Variants in TENM4 observed in about 807,000 individuals in gnomAD.
TENM4 encodes the protein teneurin-4.
TENM4 carries 82 observed loss-of-function variants against 243.3 expected under a neutral mutation model. The observed-to-expected ratio is 0.34, with a 90% CI of 0.28 to 0.40. TENM4 has a LOEUF of 0.40. Among genes scored for constraint, TENM4 ranks in the 10% least tolerant of loss-of-function variants. The pLI is 1.00. For missense variants in TENM4, 3,138 were observed against 3,673.3 expected, an observed-to-expected ratio of 0.85 and a Z score of 3.77; for synonymous variants, 1,412 against 1,456.3, an observed-to-expected ratio of 0.97 and a Z score of 0.69.
chr11:78,712,049 C>T (rs1345210646), intron 26 of TENM4, among the ~76,000 whole-genome samples: 1 of 152,156 alleles, frequency 6.6e-6, no homozygotes, highest in African/African-American at 2.4e-5. Flanking sequence ...AAACACGATA[C>T]ACTAAAATGT....
chr11:78,910,448 C>G (rs7934380), intron 6 of TENM4, among the ~76,000 whole-genome samples: 4,253 of 152,326 alleles, frequency 0.028, 167 homozygotes, highest in African/African-American at 0.084. Flanking sequence ...GCTAATGAAT[C>G]TTGGCCTACA....
chr11:79,142,860 G>T (rs573796668), intron 4 of TENM4, among the ~76,000 whole-genome samples: 1 of 151,834 alleles, frequency 6.6e-6, no homozygotes, highest in Non-Finnish European at 1.5e-5. Flanking sequence ...TACAACAAAG[G>T]TACCAAGAAC....
intron 6 of TENM4, among the ~76,000 whole-genome samples, chr11:78,912,792 G>T (rs1229594211): frequency 6.6e-6 from 1 of 152,210 alleles, no homozygotes; most frequent in Non-Finnish European, 1.5e-5. Context: ...GTAATTCATA[G>T]ACAAATTAAG....
chr11:79,018,415 T>C (rs1313539170), intron 6 of TENM4, among the ~76,000 whole-genome samples: 2 of 152,174 alleles, frequency 1.3e-5, no homozygotes, highest in Admixed American at 6.5e-5. Flanking sequence ...TCCTGGCTCC[T>C]GTCCACTATC....
In TENM4 at chr11:78,676,319, C is replaced by T. The variant is rs1322617772; in HGVS notation, c.5329G>A (p.Glu1777Lys). 2 of 1,611,690 alleles carry T rather than the reference C, an allele frequency of 1.2e-6. No homozygotes were observed. Among genetic ancestry groups the T allele is most frequent in the Admixed American group, 1.7e-5 (1 of 59,990 alleles). ...SLRLLLANGM[E>K]VALQTEPHLL... ...TGGGGCTCAGTCTGCAGCGCCACCT[C>T]CATGCCGTTGGCCAGCAGCAGCCGC... The change falls in exon 30 of 34, where the codon GAG becomes AAG. Residue 1777 changes from glutamate (E) to lysine (K), a missense_variant. Glu to Lys is a moderately conservative substitution (Grantham distance 56, BLOSUM62 1). Coordinates refer to ENST00000278550, the MANE Select transcript of TENM4 (RefSeq NM_001098816.3).
intron 3 of TENM4, among the ~76,000 whole-genome samples, chr11:79,172,642 T>C (rs562293318): frequency 6.6e-6 from 1 of 150,540 alleles, no homozygotes; most frequent in East Asian, 2.0e-4. Context: ...ACAGCAGGAG[T>C]GTTCTAATTC....
chr11:79,298,803 T>C (rs1341259531), intron 1 of TENM4, among the ~76,000 whole-genome samples: 2 of 152,204 alleles, frequency 1.3e-5, no homozygotes, highest in Non-Finnish European at 2.9e-5. Flanking sequence ...ACCCCATTCA[T>C]ATTTTTGCCA....
chr11:79,372,699 G>T (rs535655859), intron 1 of TENM4, among the ~76,000 whole-genome samples: 5 of 152,278 alleles, frequency 3.3e-5, no homozygotes, highest in South Asian at 4.1e-4. Context: ...GGGAGGGGAG[G>T]GGGGAATCTT....
chr11:79,075,380 C>G lies in TENM4; in HGVS notation c.-65-5371G>C, dbSNP rs559815112. 1.6e-4 allele frequency among the ~76,000 whole-genome samples: 25 copies of G among 152,286 alleles called. No homozygotes were observed. In the South Asian group the frequency reaches 5.2e-3, roughly 32 times the overall value. The stretch of plus-strand genomic sequence containing the variant: ...AGGCTAGGAGTAAGGCCTGTCCTGG[C>G]CACCTCCTAGCTGTGTGGCCCTGGG... On this transcript the variant is annotated intron_variant, in intron 4 of 33. Transcript: ENST00000278550.
intron 6 of TENM4, among the ~76,000 whole-genome samples, chr11:78,989,939 T>C (rs546163415): frequency 2.6e-4 from 39 of 151,986 alleles, no homozygotes; most frequent in African/African-American, 8.9e-4. Context: ...TGGCATATAA[T>C]TGTAGTCCCA....
At chr11:78,822,586 G>C (rs76415050) in intron 12 of TENM4, among the ~76,000 whole-genome samples, 4 of 152,148 alleles carry the variant, frequency 2.6e-5, no homozygotes, top group African/African-American at 7.2e-5. Flanking sequence ...GGTGGGTAGA[G>C]GGAGAGTATC....
intron 6 of TENM4, among the ~76,000 whole-genome samples, chr11:79,011,866 A>G (rs979705876): frequency 5.3e-5 from 8 of 152,240 alleles, no homozygotes; most frequent in African/African-American, 1.4e-4. Flanking sequence ...CAAAAATCCA[A>G]TGACTCTGTC....
At chr11:79,400,465 A>G (rs150505338) in intron 1 of TENM4, among the ~76,000 whole-genome samples, 2 of 152,202 alleles carry the variant, frequency 1.3e-5, no homozygotes, top group East Asian at 3.9e-4. Context: ...CACATCCCCA[A>G]ACAAGGCTCT....
At chr11:78,852,046 G>A (rs964608858) in intron 12 of TENM4, among the ~76,000 whole-genome samples, 1 of 152,154 alleles carries the variant, frequency 6.6e-6, no homozygotes, top group Non-Finnish European at 1.5e-5. Flanking sequence ...AGGGGAGTTC[G>A]TTCCCTCATT....
intron 6 of TENM4, among the ~76,000 whole-genome samples, chr11:78,966,843 A>G (rs1857447051): frequency 6.6e-6 from 1 of 152,088 alleles, no homozygotes; most frequent in Non-Finnish European, 1.5e-5. Flanking sequence ...AGACTTGCTG[A>G]GACACGCTGG....
chr11:78,683,996 G>A (rs536050577), intron 29 of TENM4, among the ~76,000 whole-genome samples: 1 of 152,248 alleles, frequency 6.6e-6, no homozygotes, highest in South Asian at 2.1e-4. Flanking sequence ...CTCCCTCCAG[G>A]CTCTGCTAAA....
At chr11:79,157,466 C>G (rs1862646706) in intron 3 of TENM4, among the ~76,000 whole-genome samples, 1 of 152,178 alleles carries the variant, frequency 6.6e-6, no homozygotes. Context: ...TGCCGAGTCC[C>G]TACAGCATGC....
chr11:78,960,402 G>T lies in TENM4; in HGVS notation c.494-56879C>A, dbSNP rs114124124. On this transcript the variant is annotated intron_variant, in intron 6 of 33. Coordinates refer to ENST00000278550, the MANE Select transcript of TENM4 (RefSeq NM_001098816.3). ...CGGGGAGGTCCTAGCTAGAAAAGGA[G>T]GGTAGGTAATGACCGCCCTTCATTG... 5.0e-3 allele frequency among the ~76,000 whole-genome samples: 767 copies of T among 152,268 alleles called. 8 individuals carry two copies. The highest frequency in any genetic ancestry group is 0.018 in the African/African-American group (746 of 41,538).
At chr11:79,307,630 G>GCA (rs1179709967) in intron 1 of TENM4, among the ~76,000 whole-genome samples, 2 of 152,120 alleles carry the variant, frequency 1.3e-5, no homozygotes, top group Non-Finnish European at 2.9e-5. Context: ...ACAGGCCCCA[G>GCA]CATGGCTCAG....
Sources: gnomAD v4.1 joint callset for allele counts (sites outside exome capture counted in the v4.1 genomes callset) on GRCh38, gnomAD v4.1.1 for gene constraint, MANE v1.5 for transcripts, NCBI Gene and HGNC (gene_info 2026-07-23, HGNC 2026-07-21) for gene names.